RTL10: variants seen among roughly 807,000 people sequenced by gnomAD.
RTL10 encodes retrotransposon Gag like 10, also known as protein Bop.
For missense variants in RTL10, 477 were observed against 470.7 expected (o/e 1.01, Z -0.12); for synonymous variants, 199 against 188.4 (o/e 1.06, Z -0.46).
chr22:19,846,860 TC>T lies in RTL10; in HGVS notation c.*4306del. 12 of 907,678 alleles carry T rather than the reference TC, an allele frequency of 1.3e-5. No homozygotes were observed. Among genetic ancestry groups the T allele is most frequent in the Non-Finnish European group, 1.4e-5 (11 of 758,982 alleles). 56.2% of individuals were successfully genotyped at this position (907,678 alleles called of 1,614,324 possible). A position where few individuals can be genotyped will look rare whatever the true frequency, so the allele number is the denominator to read the frequency against. On this transcript the variant is annotated 3_prime_UTR_variant, in exon 3 of 3. Transcript: ENST00000328554. ...CTAGCTCCAGAATCATGAGGAAATG[TC>T]TGTTGTTTAAGTCCCCTAGCCTGCG...
chr22:19,847,334 G>A lies in RTL10; in HGVS notation c.*3833C>T. On this transcript the variant is annotated 3_prime_UTR_variant, in exon 3 of 3. Transcript: ENST00000328554. ...GGCTCATGCTGACTGATCCTGCAGGGTAACAGCTTTATTTGCCTTGCTCCT... is the reference window on the plus strand; with the variant it reads ...GGCTCATGCTGACTGATCCTGCAGGATAACAGCTTTATTTGCCTTGCTCCT... 1.2e-5 allele frequency: 12 copies of A among 985,432 alleles called. No homozygotes were observed. The highest frequency in any genetic ancestry group is 1.4e-5 in the Non-Finnish European group (12 of 829,918). 61.0% of individuals were successfully genotyped at this position (985,432 alleles called of 1,614,324 possible).
In RTL10 at chr22:19,851,476, C is replaced by T; in HGVS notation, c.786G>A (p.Glu262=). The change falls in exon 3 of 3, where the codon GAG becomes GAA. Residue 262 remains glutamate, a synonymous_variant. Coordinates refer to ENST00000328554, the MANE Select transcript of RTL10 (RefSeq NM_024627.6). ...SALFEQQLTK[E]STPGPKEPPV... ...GGGGCTCCTTGGGCCCAGGGGTGCT[C>T]TCCTTGGTCAGCTGCTGCTCGAACA... 1 of 1,614,132 alleles carries T rather than the reference C, an allele frequency of 6.2e-7. No homozygotes were observed.
rs778295901 is a variant in RTL10 at position 19,852,131 on chromosome 22, T to A, written c.131A>T (p.Asp44Val). 6.2e-7 allele frequency: 1 copy of A among 1,614,020 alleles called. No individual in the cohort carries two copies. The highest frequency in any genetic ancestry group is 1.3e-5 in the African/African-American group (1 of 74,930). Residue 44 changes from aspartate (D) to valine (V), a missense_variant, in exon 3 of 3, where the codon GAT becomes GTT. Asp to Val is a radical substitution (Grantham distance 152). Transcript: ENST00000328554. ...ACAGCAGGGCCGCTCAATCCAGGGA[T>A]CCACAAGGGGGGTGTATGCCACCCC... Reference protein sequence around the residue: ...SPGVAYTPLVDPWIERPCCGD... With the variant: ...SPGVAYTPLVVPWIERPCCGD...
chr22:19,852,297 A>C lies in RTL10; in HGVS notation c.-36T>G, dbSNP rs1196222040. 1.3e-6 allele frequency: 2 copies of C among 1,570,782 alleles called. No homozygotes were observed. The highest frequency in any genetic ancestry group is 4.5e-5 in the East Asian group (2 of 44,556). Reference sequence around the variant, plus strand: ...CAGGGGAGAAGAGAGGAGAGCCAGCACTGGTGGGTGGTGGGGGTGTGGACA... The same window carrying C: ...CAGGGGAGAAGAGAGGAGAGCCAGCCCTGGTGGGTGGTGGGGGTGTGGACA... On this transcript the variant is annotated 5_prime_UTR_variant, in exon 3 of 3. Transcript: ENST00000328554.
chr22:19,850,926 G>A lies in RTL10; in HGVS notation c.*241C>T, dbSNP rs549734060. 86 of 1,363,126 alleles carry A rather than the reference G, an allele frequency of 6.3e-5. No homozygotes were observed. The highest frequency in any genetic ancestry group is 8.3e-5 in the South Asian group (4 of 48,408). The allele number at this position is 1,363,126 out of a possible 1,614,324, so 84.4% of individuals were successfully genotyped here. A position where few individuals can be genotyped will look rare whatever the true frequency, so the allele number is the denominator to read the frequency against. Reference sequence around the variant, plus strand: ...GGGTGAGACGGCACTCCCAGAAGACGGGCAGGGATGCAGCAGAGAGCCAGC... The same window carrying A: ...GGGTGAGACGGCACTCCCAGAAGACAGGCAGGGATGCAGCAGAGAGCCAGC... On this transcript the variant is annotated 3_prime_UTR_variant, in exon 3 of 3. Coordinates refer to ENST00000328554, the MANE Select transcript of RTL10 (RefSeq NM_024627.6).
In RTL10 at chr22:19,848,410, G is replaced by T; in HGVS notation, c.*2757C>A. 1.0e-6 allele frequency: 1 copy of T among 985,502 alleles called. No homozygotes were observed. The highest frequency in any genetic ancestry group is 1.2e-6 in the Non-Finnish European group (1 of 829,988). The allele number at this position is 985,502 out of a possible 1,614,324, so 61.0% of individuals were successfully genotyped here. ...CCAGGGGGAATGCCTCCTTCCCCCA[G>T]CAGGAAAGCAGCTTGGTCATCATCT... On this transcript the variant is annotated 3_prime_UTR_variant, in exon 3 of 3. Transcript: ENST00000328554.
Position 19,852,495 on chromosome 22 carries a change from AG to A in RTL10, c.-225-10del, listed in dbSNP as rs1164651258. ...CCATCATCCGAGGCAATCTGTCCAA[AG>A]ACAAGGTGGGGAAGAGCAGGAACTA... On this transcript the variant is annotated splice_polypyrimidine_tract_variant and intron_variant, in intron 2 of 2. Transcript: ENST00000328554. 1.8e-6 allele frequency: 1 copy of A among 555,640 alleles called. No individual in the cohort carries two copies. Among genetic ancestry groups the A allele is most frequent in the African/African-American group, 1.9e-5 (1 of 52,980 alleles). The allele number at this position is 555,640 out of a possible 1,614,324, so 34.4% of individuals were successfully genotyped here.
Position 19,850,239 on chromosome 22 carries a change from G to A in RTL10, c.*928C>T. The A allele has an allele frequency of 1.0e-6, 1 of 985,624 alleles. No homozygotes were observed. The highest frequency in any genetic ancestry group is 1.2e-6 in the Non-Finnish European group (1 of 830,066). 61.1% of individuals were successfully genotyped at this position (985,624 alleles called of 1,614,324 possible). ...GGCAGCCACTGCACCACCTCAGCCA[G>A]TAATCCAACACGTGTTTAATGAGCA... On this transcript the variant is annotated 3_prime_UTR_variant, in exon 3 of 3. Transcript: ENST00000328554.
At position 19,846,339 on chromosome 22, in the gene RTL10, T is replaced by A; in HGVS notation, c.*4828A>T. On this transcript the variant is annotated 3_prime_UTR_variant, in exon 3 of 3. Transcript: ENST00000328554. The stretch of plus-strand genomic sequence containing the variant: ...CTGGGAATACAGGATAATGCCTTTG[T>A]ACCCCCCAGGTAGGGAAAGATTTCT... The A allele has an allele frequency of 1.2e-6, 1 of 811,726 alleles. No individual in the cohort carries two copies. The allele number at this position is 811,726 out of a possible 1,614,324, so 50.3% of individuals were successfully genotyped here.
Position 19,846,826 on chromosome 22 carries a change from C to T in RTL10, c.*4341G>A. On this transcript the variant is annotated 3_prime_UTR_variant, in exon 3 of 3. Coordinates refer to ENST00000328554, the MANE Select transcript of RTL10 (RefSeq NM_024627.6). ...AAACCAACCCTGCCCACACCTTGAT[C>T]TCAGGCTTCTAGCTCCAGAATCATG... 2.5e-6 allele frequency: 2 copies of T among 790,090 alleles called. No homozygotes were observed. Among genetic ancestry groups the T allele is most frequent in the Non-Finnish European group, 3.1e-6 (2 of 651,474 alleles). The allele number at this position is 790,090 out of a possible 1,614,324, so 48.9% of individuals were successfully genotyped here. A position where few individuals can be genotyped will look rare whatever the true frequency, so the allele number is the denominator to read the frequency against.
rs1938010042 is a variant in RTL10 at position 19,848,152 on chromosome 22, TG to T, written c.*3014del. The T allele has an allele frequency of 3.0e-6, 3 of 985,262 alleles. No homozygotes were observed. The African/African-American group carries it at 5.2e-5, about 17-fold the overall frequency. 61.0% of individuals were successfully genotyped at this position (985,262 alleles called of 1,614,324 possible). Reference sequence around the variant, plus strand: ...GTACTTCCTATTTTAAAGTTTTCCTTGCAGACAGGTACTTTAAATACCATCT... The same window carrying T: ...GTACTTCCTATTTTAAAGTTTTCCTTCAGACAGGTACTTTAAATACCATCT... On this transcript the variant is annotated 3_prime_UTR_variant, in exon 3 of 3. Coordinates refer to ENST00000328554, the MANE Select transcript of RTL10 (RefSeq NM_024627.6).
Position 19,847,128 on chromosome 22 carries a change from T to C in RTL10, c.*4039A>G. 1 of 985,466 alleles carries C rather than the reference T, an allele frequency of 1.0e-6. No individual in the cohort carries two copies. The allele number at this position is 985,466 out of a possible 1,614,324, so 61.0% of individuals were successfully genotyped here. On this transcript the variant is annotated 3_prime_UTR_variant, in exon 3 of 3. Coordinates refer to ENST00000328554, the MANE Select transcript of RTL10 (RefSeq NM_024627.6). ...TGGAAGTGGGGTGACACACATTACTTGTGGCCTGCTGTGGCCTTTCCCCTG... is the reference window on the plus strand; with the variant it reads ...TGGAAGTGGGGTGACACACATTACTCGTGGCCTGCTGTGGCCTTTCCCCTG...
chr22:19,847,147 T>C lies in RTL10; in HGVS notation c.*4020A>G, dbSNP rs201184962. 1.1e-4 allele frequency: 109 copies of C among 985,438 alleles called. No homozygotes were observed. In the African/African-American group the frequency reaches 1.8e-3, roughly 17 times the overall value. 61.0% of individuals were successfully genotyped at this position (985,438 alleles called of 1,614,324 possible). A position where few individuals can be genotyped will look rare whatever the true frequency, so the allele number is the denominator to read the frequency against. On this transcript the variant is annotated 3_prime_UTR_variant, in exon 3 of 3. Transcript: ENST00000328554. ...ATTACTTGTGGCCTGCTGTGGCCTTTCCCCTGCCTCAGTGAGCATGGAGAA... is the reference window on the plus strand; with the variant it reads ...ATTACTTGTGGCCTGCTGTGGCCTTCCCCCTGCCTCAGTGAGCATGGAGAA...
In RTL10 at chr22:19,852,344, C is replaced by T. The variant is rs1938128811; in HGVS notation, c.-83G>A. ...GACAGATGTGGCTTGCACGACACAA[C>T]AGGACAGGGATGGCTGAACAGGGCG... On this transcript the variant is annotated 5_prime_UTR_variant, in exon 3 of 3. Transcript: ENST00000328554. 5 of 1,453,670 alleles carry T rather than the reference C, an allele frequency of 3.4e-6. No homozygotes were observed. The East Asian group carries it at 9.1e-5, about 27-fold the overall frequency. The allele number at this position is 1,453,670 out of a possible 1,614,324, so 90.0% of individuals were successfully genotyped here.
Position 19,847,804 on chromosome 22 carries a change from CAAAAAAAAA to C in RTL10, c.*3354_*3362del, listed in dbSNP as rs34331843. ...ACTTTTAAAATCCTGGAATCATAGG[CAAAAAAAAA>C]AAAAAAAAAAAATTCACCCATATTT... is the stretch of plus-strand genomic sequence containing the variant. On this transcript the variant is annotated 3_prime_UTR_variant, in exon 3 of 3. Transcript: ENST00000328554. 6.6e-6 allele frequency: 4 copies of C among 609,092 alleles called. No individual in the cohort carries two copies. In the African/African-American group the frequency reaches 8.6e-5, roughly 13 times the overall value. 37.7% of individuals were successfully genotyped at this position (609,092 alleles called of 1,614,324 possible).
rs779087081 is a variant in RTL10 at position 19,849,580 on chromosome 22, T to C, written c.*1587A>G. 6.3e-5 allele frequency: 33 copies of C among 525,096 alleles called. No individual in the cohort carries two copies. Among genetic ancestry groups the C allele is most frequent in the Middle Eastern group, 1.9e-3 (2 of 1,030 alleles). The allele number at this position is 525,096 out of a possible 1,614,324, so 32.5% of individuals were successfully genotyped here. ...ATGGATTTCTCCATGCTGGTCAGGC[T>C]GGTCTTGAACTCCTGACCTCAGGTG... On this transcript the variant is annotated 3_prime_UTR_variant, in exon 3 of 3. Transcript: ENST00000328554.
At position 19,851,079 on chromosome 22, in the gene RTL10, AC is replaced by A; in HGVS notation, c.*87del. ...GGGTCTGAAGTCATCTGGGGACACC[AC>A]TCTGCTCTGACTGGGGACTATGGGG... On this transcript the variant is annotated 3_prime_UTR_variant, in exon 3 of 3. Coordinates refer to ENST00000328554, the MANE Select transcript of RTL10 (RefSeq NM_024627.6). The A allele has an allele frequency of 2.7e-6, 4 of 1,477,616 alleles. No individual in the cohort carries two copies. In the South Asian group the frequency reaches 5.6e-5, roughly 21 times the overall value. The allele number at this position is 1,477,616 out of a possible 1,614,324, so 91.5% of individuals were successfully genotyped here.
Position 19,846,270 on chromosome 22 carries a change from A to T in RTL10, c.*4897T>A. On this transcript the variant is annotated 3_prime_UTR_variant, in exon 3 of 3. Transcript: ENST00000328554. Reference sequence around the variant, plus strand: ...CCTCCCTTCTGCCGCAGTTACACTTACAGGTGGACTCAAGGTTGAATGTCA... The same window carrying T: ...CCTCCCTTCTGCCGCAGTTACACTTTCAGGTGGACTCAAGGTTGAATGTCA... 3.9e-6 allele frequency: 1 copy of T among 257,034 alleles called. No homozygotes were observed. The highest frequency in any genetic ancestry group is 6.1e-6 in the Non-Finnish European group (1 of 163,516). 15.9% of individuals were successfully genotyped at this position (257,034 alleles called of 1,614,324 possible).
Position 19,847,415 on chromosome 22 carries a change from C to T in RTL10, c.*3752G>A. 1.0e-6 allele frequency: 1 copy of T among 985,452 alleles called. No homozygotes were observed. The highest frequency in any genetic ancestry group is 1.2e-6 in the Non-Finnish European group (1 of 829,940). 61.0% of individuals were successfully genotyped at this position (985,452 alleles called of 1,614,324 possible). On this transcript the variant is annotated 3_prime_UTR_variant, in exon 3 of 3. Transcript: ENST00000328554. ...CTGCTGTTCAAAAAACAGTGACACCCATGAGGTGGGTGTTAGAGGGCCCAG... is the reference window on the plus strand; with the variant it reads ...CTGCTGTTCAAAAAACAGTGACACCTATGAGGTGGGTGTTAGAGGGCCCAG...
Sources: allele counts gnomAD v4.1 joint callset, GRCh38; gene constraint gnomAD v4.1.1; transcripts MANE v1.5; gene names NCBI Gene and HGNC (gene_info 2026-07-23, HGNC 2026-07-21).